CORIN: variants seen among roughly 807,000 people sequenced by gnomAD.
CORIN encodes corin, serine peptidase.
Under a neutral mutation model 125.3 loss-of-function variants are expected in CORIN, and 117 were observed. The ratio of observed to expected loss-of-function variants is 0.93; its 90% confidence interval spans 0.80 to 1.09. The LOEUF (loss-of-function observed/expected upper bound fraction) is 1.09, where lower values mean the gene tolerates loss of function less well. Ranked by LOEUF, CORIN falls within the 50% of genes least tolerant of loss-of-function variation. The pLI, the probability that CORIN is intolerant of heterozygous loss-of-function variation, is 0.00. For missense variants in CORIN, 1,253 were observed against 1,306.7 expected, an observed-to-expected ratio of 0.96 and a Z score of 0.63; for synonymous variants, 450 against 466.4, an observed-to-expected ratio of 0.96 and a Z score of 0.45.
chr4:47,744,720 T>C, intron 4 of CORIN, 137 bp from the exon 5 acceptor site: 1 of 730,228 alleles, frequency 1.4e-6, no homozygotes. Context: ...ACTTAAATTT[T>C]TACATTCAGT....
chr4:47,798,765 C>G (rs1048911453), intron 2 of CORIN, among the ~76,000 whole-genome samples: 1 of 152,054 alleles, frequency 6.6e-6, no homozygotes, highest in South Asian at 2.1e-4. Flanking sequence ...TTATGTGATG[C>G]TGAGGATTGG....
intron 5 of CORIN, among the ~76,000 whole-genome samples, chr4:47,696,917 C>T (rs1175723535): frequency 6.6e-6 from 1 of 152,114 alleles, no homozygotes; most frequent in East Asian, 1.9e-4. Flanking sequence ...AATTATCCAC[C>T]AGCCTGCCAC....
intron 9 of CORIN, 52 bp from the exon 10 acceptor site, chr4:47,674,552 C>A (rs775071782): frequency 3.7e-6 from 4 of 1,075,058 alleles, no homozygotes; most frequent in Non-Finnish European, 4.4e-6. Context: ...AAATTCCTTA[C>A]CTAAGGATCT....
rs773601703 is a variant in CORIN, at chr4:47,837,901, C to T, written c.49G>A (p.Gly17Arg). Residue 17 changes from glycine to arginine, a missense_variant, in exon 1 of 22, where the codon GGG becomes AGG. Gly to Arg is a moderately radical substitution (Grantham distance 125, BLOSUM62 -2). Coordinates refer to ENST00000273857, the MANE Select transcript of CORIN (RefSeq NM_006587.4). ...LAPEERCRRAGSPKPVLRADD... is the reference protein window; with the variant it reads ...LAPEERCRRARSPKPVLRADD... ...ATCGATCTTACCGGCTTTGGGGACC[C>T]GGCTCTGCGGCAGCGCTCTTCCGGA... 6.2e-7 allele frequency: 1 copy of T among 1,613,804 alleles called. No individual in the cohort carries two copies. The highest frequency in any genetic ancestry group is 8.5e-7 in the Non-Finnish European group (1 of 1,179,978).
intron 2 of CORIN, among the ~76,000 whole-genome samples, chr4:47,789,822 C>T (rs570774909): frequency 1.3e-5 from 2 of 152,044 alleles, no homozygotes; most frequent in Admixed American, 6.5e-5. Context: ...AAATAGAGAC[C>T]GTCCTGGCTA....
intron 11 of CORIN, 29 bp from the exon 12 acceptor site, chr4:47,661,885 G>A: frequency 6.4e-7 from 1 of 1,564,388 alleles, no homozygotes. Context: ...CAAAACATTA[G>A]AAGCAGAAAT....
At chr4:47,756,614 G>T (rs1729158319) in intron 4 of CORIN, among the ~76,000 whole-genome samples, 3 of 152,078 alleles carry the variant, frequency 2.0e-5, no homozygotes, top group Non-Finnish European at 2.9e-5. Context: ...CATGCTTCAG[G>T]TGTAATTTTT....
chr4:47,697,649 G>A (rs377513059), intron 5 of CORIN, among the ~76,000 whole-genome samples: 20 of 152,156 alleles, frequency 1.3e-4, no homozygotes, highest in African/African-American at 3.4e-4. Context: ...CCTGGGAGGC[G>A]GAGGTTGCAG....
chr4:47,659,462 T>C (rs188226663), intron 12 of CORIN, among the ~76,000 whole-genome samples: 4 of 152,328 alleles, frequency 2.6e-5, no homozygotes, highest in East Asian at 1.9e-4. Context: ...ACAGGAACCA[T>C]GGTGAAGACA....
chr4:47,832,777 C>T (rs1035078435), intron 1 of CORIN, among the ~76,000 whole-genome samples: 1 of 152,044 alleles, frequency 6.6e-6, no homozygotes, highest in Non-Finnish European at 1.5e-5. Flanking sequence ...TATCATCACT[C>T]AAGCAAAAGA....
intron 1 of CORIN, among the ~76,000 whole-genome samples, chr4:47,825,037 G>A (rs1451643314): frequency 1.3e-5 from 2 of 152,184 alleles, no homozygotes; most frequent in African/African-American, 4.8e-5. Context: ...TGGGAAATGT[G>A]AGCACACCGC....
At chr4:47,688,716 T>G (rs1022329027) in intron 6 of CORIN, among the ~76,000 whole-genome samples, 3 of 152,244 alleles carry the variant, frequency 2.0e-5, no homozygotes, top group Non-Finnish European at 4.4e-5. Flanking sequence ...TCTTTCTATT[T>G]ACTAGGTAGC....
intron 19 of CORIN, among the ~76,000 whole-genome samples, chr4:47,608,587 CTG>C (rs1206769877): frequency 5.3e-5 from 8 of 152,234 alleles, no homozygotes; most frequent in Admixed American, 2.6e-4. Context: ...TTTGTCCTCA[CTG>C]TGGTTAGTAT....
intron 16 of CORIN, chr4:47,632,086 T>C (rs1722828924): frequency 6.6e-6 from 1 of 152,196 alleles, no homozygotes; most frequent in South Asian, 2.1e-4. Flanking sequence ...AAATATCCCA[T>C]GCTTGAATTA....
At chr4:47,770,637 A>G (rs1255705529) in intron 3 of CORIN, among the ~76,000 whole-genome samples, 1 of 152,202 alleles carries the variant, frequency 6.6e-6, no homozygotes, top group South Asian at 2.1e-4. Flanking sequence ...ATGTCCATCA[A>G]TGGATGAATG....
rs187056453 is a variant in CORIN, at chr4:47,768,515, A to G, written c.410-4929T>C. Among the ~76,000 whole-genome samples the G allele has an allele frequency of 2.0e-5, 3 of 152,374 alleles. No individual in the cohort carries two copies. The East Asian group carries it at 5.8e-4, about 29-fold the overall frequency. On this transcript the variant is annotated intron_variant, in intron 3 of 21. Transcript: ENST00000273857. ...CCTGATACCAAAGCCAGACAAGGAC[A>G]CTACAAGAGAAGAAAATTACACCTT...
chr4:47,693,552 T>C (rs1490547772), intron 5 of CORIN, among the ~76,000 whole-genome samples: 2 of 152,174 alleles, frequency 1.3e-5, no homozygotes, highest in Non-Finnish European at 2.9e-5. Context: ...TAAATAACCA[T>C]TTACTGTGTG....
intron 19 of CORIN, among the ~76,000 whole-genome samples, chr4:47,621,959 A>C: frequency 6.9e-6 from 1 of 144,432 alleles, no homozygotes; most frequent in East Asian, 2.1e-4. Flanking sequence ...CTAACTCGTC[A>C]TCTAACATTA....
intron 3 of CORIN, among the ~76,000 whole-genome samples, chr4:47,776,160 C>G (rs1426840890): frequency 1.3e-5 from 2 of 151,848 alleles, no homozygotes; most frequent in African/African-American, 4.8e-5. Context: ...GCTGGGACTA[C>G]AGGCACTCCT....
Sources: allele counts gnomAD v4.1 joint callset (sites outside exome capture counted in the v4.1 genomes callset), GRCh38; gene constraint gnomAD v4.1.1; transcripts MANE v1.5; gene names NCBI Gene and HGNC (gene_info 2026-07-23, HGNC 2026-07-21).